INPP5A: variants seen among roughly 807,000 people sequenced by gnomAD.
INPP5A encodes the protein inositol polyphosphate-5-phosphatase A.
INPP5A carries 14 observed loss-of-function variants against 65.2 expected under a neutral mutation model. The ratio of observed to expected loss-of-function variants is 0.21; its 90% CI spans 0.14 to 0.34. The LOEUF (loss-of-function observed/expected upper bound fraction) is 0.34. Among genes scored for constraint, INPP5A ranks in the 10% least tolerant of loss-of-function variants. The probability of loss-of-function intolerance (pLI) is 1.00; values close to 1 mark genes in which losing one functional copy is unlikely to be tolerated. For synonymous variants in INPP5A, 207 were observed against 208.3 expected (o/e 0.99, Z 0.05); for missense variants, 431 against 545.6 (o/e 0.79, Z 2.09).
chr10:132,726,065 C>T (rs1845979095), intron 8 of INPP5A, among the ~76,000 whole-genome samples: 2 of 151,900 alleles, frequency 1.3e-5, no homozygotes, highest in South Asian at 2.1e-4. Flanking sequence ...AGTGAGTTGG[C>T]GGTTTCTGAG....
rs1845375615 is a variant in INPP5A at position 132,698,136 on chromosome 10, T to C, written c.474+217T>C. Among the ~76,000 whole-genome samples the C allele has an allele frequency of 6.6e-6, 1 of 152,204 alleles. No individual in the cohort carries two copies. The highest frequency in any genetic ancestry group is 2.4e-5 in the African/African-American group (1 of 41,438). ...AATCTAAGGCATTAGCACCAAGTAA[T>C]CAGTAAGTTCCTGAATCCTCATATC... On this transcript the variant is annotated intron_variant, in intron 6 of 15. Coordinates refer to ENST00000368594, the MANE Select transcript of INPP5A (RefSeq NM_005539.5). The surrounding 1 kb of genome is among the most constrained non-coding windows in gnomAD (Gnocchi z 5.5).
In INPP5A at chr10:132,704,058, C is replaced by T. The variant is rs1165977707; in HGVS notation, c.475-4255C>T. Among the ~76,000 whole-genome samples the T allele has an allele frequency of 1.3e-5, 2 of 151,670 alleles. No homozygotes were observed. The highest frequency in any genetic ancestry group is 6.6e-5 in the Admixed American group (1 of 15,230). ...ACCCCCACACACACGCAGCTTCACC[C>T]GCATGGGTTCTGAAGGCTTGGCCTG... On this transcript the variant is annotated intron_variant, in intron 6 of 15. Coordinates refer to ENST00000368594, the MANE Select transcript of INPP5A (RefSeq NM_005539.5). This position sits in a 1 kb window ranked among gnomAD's most constrained non-coding sequence, Gnocchi z 4.5.
chr10:132,709,794 T>C (rs1388514528), intron 7 of INPP5A, among the ~76,000 whole-genome samples: 1 of 152,192 alleles, frequency 6.6e-6, no homozygotes, highest in Non-Finnish European at 1.5e-5. Flanking sequence ...CAGCTGAAGG[T>C]GCTGAGGGTC....
rs563252206 is a variant in INPP5A at position 132,637,493 on chromosome 10, C to T, written c.118-8375C>T. 6.6e-5 allele frequency among the ~76,000 whole-genome samples: 10 copies of T among 152,230 alleles called. No homozygotes were observed. The South Asian group carries it at 2.1e-3, about 32-fold the overall frequency. On this transcript the variant is annotated intron_variant, in intron 2 of 15. Transcript: ENST00000368594. This position sits in a 1 kb window ranked among gnomAD's most constrained non-coding sequence, Gnocchi z 4.1. The stretch of plus-strand genomic sequence containing the variant: ...TTCGGGTGTCCTTTGGGTCCCTGAT[C>T]CTCCAAATGTTCCTCCTTCTCTGCC...
At chr10:132,737,639 T>G (rs1236534814) in intron 9 of INPP5A, among the ~76,000 whole-genome samples, 2 of 152,194 alleles carry the variant, frequency 1.3e-5, no homozygotes, top group Admixed American at 6.5e-5. Flanking sequence ...AGGGACGCCC[T>G]TCCCTGAGGG....
At position 132,747,316 on chromosome 10, in the gene INPP5A, CAT is replaced by C. The variant is rs530469684; in HGVS notation, c.733-2200_733-2199del. On this transcript the variant is annotated intron_variant, in intron 9 of 15. Coordinates refer to ENST00000368594, the MANE Select transcript of INPP5A (RefSeq NM_005539.5). ...GAAGGCTCCAGACTGATTTGTGACACATGAGTCCAAAAGCCACTTTGGGGGGC... is the reference window on the plus strand; with the variant it reads ...GAAGGCTCCAGACTGATTTGTGACACGAGTCCAAAAGCCACTTTGGGGGGC... Among the ~76,000 whole-genome samples the C allele has an allele frequency of 1.1e-4, 17 of 152,378 alleles. No individual in the cohort carries two copies. The South Asian group carries it at 1.7e-3, about 15-fold the overall frequency.
intron 1 of INPP5A, among the ~76,000 whole-genome samples, chr10:132,554,118 AG>A (rs2071092850): frequency 1.3e-5 from 2 of 152,144 alleles, no homozygotes; most frequent in Admixed American, 1.3e-4. Context: ...TGGGATAGGG[AG>A]GGAGGATTCG....
At chr10:132,734,382 C>G (rs1456579120) in intron 9 of INPP5A, among the ~76,000 whole-genome samples, 1 of 152,352 alleles carries the variant, frequency 6.6e-6, no homozygotes, top group Admixed American at 6.5e-5. Flanking sequence ...ATTTTTCGCA[C>G]TGTGGTCCAG....
chr10:132,539,665 C>G (rs900151354), intron 1 of INPP5A, among the ~76,000 whole-genome samples: 2 of 152,148 alleles, frequency 1.3e-5, no homozygotes, highest in South Asian at 4.1e-4. Flanking sequence ...AGATGGAGGC[C>G]GTGGAGCCAC....
In INPP5A at chr10:132,538,554, C is replaced by G. The variant is rs2070870980; in HGVS notation, c.75+383C>G. Among the ~76,000 whole-genome samples, 1 of 152,108 alleles carries G rather than the reference C, an allele frequency of 6.6e-6. No individual in the cohort carries two copies. The highest frequency in any genetic ancestry group is 2.4e-5 in the African/African-American group (1 of 41,402). On this transcript the variant is annotated intron_variant, in intron 1 of 15. Transcript: ENST00000368594. This position sits in a 1 kb window ranked among gnomAD's most constrained non-coding sequence, Gnocchi z 4.1. ...TTCCTGGAACCCAAACCCCAGAAAC[C>G]GGGTCTGTGCGCACCAAACCCAGCC...
intron 4 of INPP5A, among the ~76,000 whole-genome samples, chr10:132,652,990 G>A (rs1264082958): frequency 2.0e-5 from 3 of 152,308 alleles, no homozygotes; most frequent in East Asian, 1.9e-4. Flanking sequence ...GCTGGCCGAT[G>A]TGCAGGTGGG....
chr10:132,688,350 C>T (rs1845176780), intron 4 of INPP5A, among the ~76,000 whole-genome samples: 1 of 152,228 alleles, frequency 6.6e-6, no homozygotes, highest in Non-Finnish European at 1.5e-5. Flanking sequence ...GACAGCCACC[C>T]CAGTGACCGG....
At chr10:132,693,065 A>G (rs1209020194) in intron 5 of INPP5A, among the ~76,000 whole-genome samples, 3 of 152,216 alleles carry the variant, frequency 2.0e-5, no homozygotes, top group Non-Finnish European at 2.9e-5. Flanking sequence ...AACCTGTACT[A>G]TCGTTTTAAG....
At chr10:132,557,571 G>A (rs2071143520) in intron 1 of INPP5A, among the ~76,000 whole-genome samples, 1 of 152,234 alleles carries the variant, frequency 6.6e-6, no homozygotes, top group Non-Finnish European at 1.5e-5. Flanking sequence ...CCTCTTTTCT[G>A]AGTTGATGTT....
chr10:132,766,205 CTG>C lies in INPP5A; in HGVS notation c.977+365_977+366del, dbSNP rs1383588754. Among the ~76,000 whole-genome samples the C allele has an allele frequency of 2.0e-5, 3 of 152,328 alleles. No homozygotes were observed. The East Asian group carries it at 5.8e-4, about 29-fold the overall frequency. On this transcript the variant is annotated intron_variant, in intron 12 of 15. Coordinates refer to ENST00000368594, the MANE Select transcript of INPP5A (RefSeq NM_005539.5). The stretch of plus-strand genomic sequence containing the variant: ...AGTGTTTTTGTGTGTGCACATGTAT[CTG>C]TGTGTCCTGCACTTGTGTGCAAACT...
chr10:132,635,569 G>A (rs2072336969), intron 2 of INPP5A, among the ~76,000 whole-genome samples: 2 of 151,142 alleles, frequency 1.3e-5, no homozygotes, highest in South Asian at 4.2e-4. Context: ...CTAATTTTTT[G>A]TATTTTTAGT....
chr10:132,667,059 C>A (rs551610389), intron 4 of INPP5A, among the ~76,000 whole-genome samples: 1 of 152,164 alleles, frequency 6.6e-6, no homozygotes, highest in African/African-American at 2.4e-5. Flanking sequence ...GGGGCAGACC[C>A]GCCAGTGTTG....
intron 1 of INPP5A, among the ~76,000 whole-genome samples, chr10:132,562,393 G>A (rs1422058976): frequency 6.6e-6 from 1 of 152,248 alleles, no homozygotes; most frequent in Non-Finnish European, 1.5e-5. Context: ...GGAGGTGGGA[G>A]GACACGTAGG....
At chr10:132,669,020 C>T (rs965056587) in intron 4 of INPP5A, among the ~76,000 whole-genome samples, 4 of 151,826 alleles carry the variant, frequency 2.6e-5, no homozygotes, top group Non-Finnish European at 4.4e-5. Flanking sequence ...TTTGGGAGGC[C>T]GAGGTGGGTG....
Sources: allele counts gnomAD v4.1 joint callset (sites outside exome capture counted in the v4.1 genomes callset), GRCh38; gene constraint gnomAD v4.1.1; non-coding constraint Gnocchi (gnomAD v3.1); transcripts MANE v1.5; gene names NCBI Gene and HGNC (gene_info 2026-07-23, HGNC 2026-07-21).